RPS6KB1: variants seen among roughly 807,000 people sequenced by gnomAD.
RPS6KB1 encodes the protein ribosomal protein S6 kinase B1.
A neutral mutation model predicts 70.2 loss-of-function variants in RPS6KB1; 12 were observed. The observed-to-expected ratio is 0.17, with a 90% confidence interval of 0.11 to 0.28. The LOEUF (loss-of-function observed/expected upper bound fraction) is 0.28, where lower values mean the gene tolerates loss of function less well. Ranked by LOEUF, RPS6KB1 falls within the 10% of genes least tolerant of loss-of-function variation. The pLI is 1.00. For missense variants in RPS6KB1, 270 were observed against 646.6 expected (o/e 0.42, Z 6.32); for synonymous variants, 175 against 211.2 (o/e 0.83, Z 1.49).
intron 3 of RPS6KB1, chr17:59,913,775 A>C (rs549371725): frequency 6.6e-6 from 1 of 152,292 alleles, no homozygotes; most frequent in East Asian, 1.9e-4. Flanking sequence ...ATCTCAGCTC[A>C]CTGCAACCTC....
chr17:59,933,867 C>A (rs1208718370), intron 7 of RPS6KB1, among the ~76,000 whole-genome samples: 3 of 152,086 alleles, frequency 2.0e-5, no homozygotes, highest in Admixed American at 2.0e-4. Context: ...TTTTCTTTTT[C>A]AGGATGGTAG....
At chr17:59,939,225 T>C (rs898167064) in intron 12 of RPS6KB1, among the ~76,000 whole-genome samples, 5 of 152,250 alleles carry the variant, frequency 3.3e-5, no homozygotes, top group Admixed American at 6.5e-5. Flanking sequence ...TATGAACTTA[T>C]ATGTTTTAAC....
intron 1 of RPS6KB1, among the ~76,000 whole-genome samples, chr17:59,895,868 AGC>A (rs2041523716): frequency 6.6e-6 from 1 of 152,128 alleles, no homozygotes; most frequent in Non-Finnish European, 1.5e-5. Flanking sequence ...CCTGAGCTCC[AGC>A]AATCTGCCAG....
At chr17:59,938,894 C>T (rs2044415237) in intron 12 of RPS6KB1, among the ~76,000 whole-genome samples, 2 of 152,072 alleles carry the variant, frequency 1.3e-5, no homozygotes, top group Admixed American at 6.6e-5. Context: ...CACAGCACAG[C>T]CCCCTACAGC....
At chr17:59,945,660 C>T in intron 14 of RPS6KB1, 142 bp downstream of exon 14, 2 of 602,258 alleles carry the variant, frequency 3.3e-6, no homozygotes, top group East Asian at 2.8e-5. Flanking sequence ...CTATATCTTA[C>T]ATTGCAAAGG....
chr17:59,934,186 A>G lies in RPS6KB1; in HGVS notation c.705A>G (p.Thr235=), dbSNP rs372457945. ...MLNHQGHVKL[T]DFGLCKESIH... ...TCATTGTAGGTCATGTGAAACTAACAGACTTTGGACTATGCAAAGAATCTA... is the reference window on the plus strand; with the variant it reads ...TCATTGTAGGTCATGTGAAACTAACGGACTTTGGACTATGCAAAGAATCTA... Residue 235 remains threonine (T), a synonymous_variant, in exon 8 of 15, where the codon ACA becomes ACG. Transcript: ENST00000225577. This position sits in a 1 kb window ranked among gnomAD's most constrained non-coding sequence, Gnocchi z 4.8. The G allele has an allele frequency of 5.0e-6, 8 of 1,605,196 alleles. No homozygotes were observed. Among genetic ancestry groups the G allele is most frequent in the East Asian group, 2.2e-5 (1 of 44,806 alleles).
intron 4 of RPS6KB1, among the ~76,000 whole-genome samples, chr17:59,919,486 G>A (rs559390507): frequency 6.6e-5 from 10 of 152,132 alleles, no homozygotes; most frequent in Non-Finnish European, 1.3e-4. Context: ...ATTGTCTGTA[G>A]ATCTTTTTTT....
chr17:59,911,112 G>C (rs368606994), intron 2 of RPS6KB1, among the ~76,000 whole-genome samples: 1 of 152,224 alleles, frequency 6.6e-6, no homozygotes, highest in African/African-American at 2.4e-5. Context: ...GCGAAACCCC[G>C]TCTCTTCTTA....
rs58751297 is a variant in RPS6KB1, at chr17:59,938,699, T to TTGTGTGTGTG, written c.1120-2101_1120-2092dup. ...TTGATCAGGAGGCATAATGTGTAGTTTGTGTGTGTGTGTGTGTGTGTGTGT... is the reference window on the plus strand; with the variant it reads ...TTGATCAGGAGGCATAATGTGTAGTTTGTGTGTGTGTGTGTGTGTGTGTGTGTGTGTGTGT... On this transcript the variant is annotated intron_variant, in intron 12 of 14. Coordinates refer to ENST00000225577, the MANE Select transcript of RPS6KB1 (RefSeq NM_003161.4). Among the ~76,000 whole-genome samples, 450 of 138,152 alleles carry TTGTGTGTGTG rather than the reference T, an allele frequency of 3.3e-3. 5 individuals are homozygous for TTGTGTGTGTG. The highest frequency in any genetic ancestry group is 0.02 in the East Asian group (91 of 4,526). The allele number at this position is 138,152 out of a possible 152,430, so 90.6% of individuals were successfully genotyped here.
intron 1 of RPS6KB1, among the ~76,000 whole-genome samples, chr17:59,908,022 A>G (rs953903183): frequency 1.3e-5 from 2 of 152,090 alleles, no homozygotes; most frequent in African/African-American, 4.8e-5. Flanking sequence ...TGTCTCGATC[A>G]GCCGCATTTT....
At chr17:59,912,844 G>T in intron 3 of RPS6KB1, 40 bp downstream of exon 3, 2 of 1,602,882 alleles carry the variant, frequency 1.2e-6, no homozygotes, top group Non-Finnish European at 1.7e-6. Context: ...TGTCTGTCTT[G>T]AATAGATTGA....
intron 13 of RPS6KB1, among the ~76,000 whole-genome samples, chr17:59,943,720 T>G (rs1272653354): frequency 6.6e-6 from 1 of 151,268 alleles, no homozygotes; most frequent in Non-Finnish European, 1.5e-5. Flanking sequence ...CTACTAAAAA[T>G]ACAAAAATTA....
At chr17:59,896,319 G>A (rs1231655745) in intron 1 of RPS6KB1, among the ~76,000 whole-genome samples, 3 of 151,772 alleles carry the variant, frequency 2.0e-5, no homozygotes, top group African/African-American at 7.3e-5. Context: ...TCAGCCTCCC[G>A]AGTAGCTGGG....
intron 4 of RPS6KB1, among the ~76,000 whole-genome samples, chr17:59,924,062 A>G (rs962862361): frequency 6.7e-6 from 1 of 148,886 alleles, no homozygotes; most frequent in Non-Finnish European, 1.5e-5. Context: ...CGCTGGGTGC[A>G]GTGGCTCACA....
At chr17:59,926,103 A>G (rs1181056101) in intron 4 of RPS6KB1, among the ~76,000 whole-genome samples, 1 of 152,152 alleles carries the variant, frequency 6.6e-6, no homozygotes, top group Non-Finnish European at 1.5e-5. Flanking sequence ...TGGACAGGGC[A>G]TTCCTTCTAT....
chr17:59,893,909 C>T lies in RPS6KB1; in HGVS notation c.141+584C>T, dbSNP rs1237007890. 1 of 983,968 alleles carries T rather than the reference C, an allele frequency of 1.0e-6. No homozygotes were observed. The highest frequency in any genetic ancestry group is 1.2e-6 in the Non-Finnish European group (1 of 829,746). 61.0% of individuals were successfully genotyped at this position (983,968 alleles called of 1,614,324 possible). ...CGGGAGCAAGGGGGCTCTGCTGCAT[C>T]TTCCAATCTTCCAGGGTTTGTTTGT... On this transcript the variant is annotated intron_variant, in intron 1 of 14. Coordinates refer to ENST00000225577, the MANE Select transcript of RPS6KB1 (RefSeq NM_003161.4). This position sits in a 1 kb window ranked among gnomAD's most constrained non-coding sequence, Gnocchi z 4.1.
chr17:59,920,248 C>T (rs2043191757), intron 4 of RPS6KB1, among the ~76,000 whole-genome samples: 3 of 152,092 alleles, frequency 2.0e-5, no homozygotes, highest in Admixed American at 2.0e-4. Flanking sequence ...GAACTCCTGA[C>T]CGCAGGTGAT....
At chr17:59,921,430 A>G (rs1294016659) in intron 4 of RPS6KB1, among the ~76,000 whole-genome samples, 1 of 152,210 alleles carries the variant, frequency 6.6e-6, no homozygotes, top group Non-Finnish European at 1.5e-5. Context: ...TAAATCCCCA[A>G]GTAAGATGAC....
intron 13 of RPS6KB1, among the ~76,000 whole-genome samples, chr17:59,941,949 C>G (rs547143764): frequency 6.6e-6 from 1 of 151,714 alleles, no homozygotes; most frequent in Non-Finnish European, 1.5e-5. Context: ...AGCTCCACCT[C>G]CCGGGTTCAC....
Sources: allele counts gnomAD v4.1 joint callset (sites outside exome capture counted in the v4.1 genomes callset), GRCh38; gene constraint gnomAD v4.1.1; non-coding constraint Gnocchi (gnomAD v3.1); transcripts MANE v1.5; gene names NCBI Gene and HGNC (gene_info 2026-07-23, HGNC 2026-07-21).